The following RORA variants were observed in gnomAD, a reference collection of about 807,000 sequenced individuals.
RORA encodes the protein RAR related orphan receptor A.
Under a neutral mutation model 69.5 loss-of-function variants are expected in RORA, and 7 were observed. That is an observed-to-expected ratio of 0.10 (90% CI 0.06 to 0.19). RORA has a LOEUF of 0.19. Among genes scored for constraint, RORA ranks in the 10% least tolerant of loss-of-function variants. The pLI is 1.00. For synonymous variants in RORA, 261 were observed against 240.8 expected, an observed-to-expected ratio of 1.08 and a Z score of -0.78; for missense variants, 457 against 663.0, an observed-to-expected ratio of 0.69 and a Z score of 3.41.
chr15:61,069,207 A>C (rs959631664), intron 1 of RORA, among the ~76,000 whole-genome samples: 25 of 152,384 alleles, frequency 1.6e-4, no homozygotes, highest in African/African-American at 5.5e-4. Flanking sequence ...CTAAGCACTT[A>C]TGTAAAAAAT....
intron 1 of RORA, among the ~76,000 whole-genome samples, chr15:61,046,842 C>G (rs571998605): frequency 2.0e-5 from 3 of 152,102 alleles, no homozygotes; most frequent in Non-Finnish European, 2.9e-5. Flanking sequence ...CTTTTGACTT[C>G]GAGGCTGCTC....
chr15:60,770,676 T>C (rs1188264121), intron 1 of RORA, among the ~76,000 whole-genome samples: 1 of 152,156 alleles, frequency 6.6e-6, no homozygotes, highest in African/African-American at 2.4e-5. Context: ...CAGTGGCTAC[T>C]CACAGGCCCA....
intron 2 of RORA, among the ~76,000 whole-genome samples, chr15:60,662,171 G>A (rs1238276631): frequency 6.6e-6 from 1 of 152,110 alleles, no homozygotes; most frequent in Non-Finnish European, 1.5e-5. Flanking sequence ...ACAACAGTTG[G>A]GGGATGGTAT....
chr15:60,530,822 T>C (rs891667270), intron 3 of RORA: 4 of 152,230 alleles, frequency 2.6e-5, no homozygotes, highest in African/African-American at 9.6e-5. Flanking sequence ...TCAGGCCTGG[T>C]TGTAGCAATC....
At position 60,496,098 on chromosome 15, in the gene RORA, C is replaced by G. The variant is rs567296791; in HGVS notation, c.*1357G>C. The G allele has an allele frequency of 1.7e-3, 259 of 152,238 alleles. 1 individual carries two copies. The highest frequency in any genetic ancestry group is 6.0e-3 in the African/African-American group (248 of 41,532). 9.4% of individuals were successfully genotyped at this position (152,238 alleles called of 1,614,324 possible). A position where few individuals can be genotyped will look rare whatever the true frequency, so the allele number is the denominator to read the frequency against. ...TTGTATGCTTCCCTCACCCTCCTAT[C>G]CATCGTTTTTCAAATATGGAGAGCA... On this transcript the variant is annotated 3_prime_UTR_variant, in exon 11 of 11. Transcript: ENST00000335670. The surrounding 1 kb of genome is among the most constrained non-coding windows in gnomAD (Gnocchi z 4.5).
intron 1 of RORA, among the ~76,000 whole-genome samples, chr15:60,859,785 C>T (rs1289987843): frequency 1.3e-5 from 2 of 151,106 alleles, no homozygotes; most frequent in Non-Finnish European, 2.9e-5. Context: ...GTGGGGAATA[C>T]TTAATCAATA....
chr15:60,815,513 A>C (rs966405278), intron 1 of RORA, among the ~76,000 whole-genome samples: 11 of 152,176 alleles, frequency 7.2e-5, no homozygotes, highest in Non-Finnish European at 4.4e-5. Flanking sequence ...TTGTTTTCAC[A>C]GCCGAGGACT....
At chr15:60,580,237 T>C (rs750129059) in intron 2 of RORA, among the ~76,000 whole-genome samples, 6 of 152,176 alleles carry the variant, frequency 3.9e-5, no homozygotes, top group Non-Finnish European at 7.3e-5. Context: ...GATCTGGTGA[T>C]TAATTAAGAG....
intron 1 of RORA, among the ~76,000 whole-genome samples, chr15:61,145,563 A>C (rs1550223): frequency 0.69 from 104,678 of 152,104 alleles, 37,008 homozygotes; most frequent in Non-Finnish European, 0.77. Flanking sequence ...ATAAAGAAGA[A>C]AAGACTGAGA....
At chr15:60,794,733 C>T (rs1346881695) in intron 1 of RORA, among the ~76,000 whole-genome samples, 1 of 152,182 alleles carries the variant, frequency 6.6e-6, no homozygotes, top group Non-Finnish European at 1.5e-5. Flanking sequence ...AACAGTACTT[C>T]TATTCTGATA....
intron 1 of RORA, among the ~76,000 whole-genome samples, chr15:61,109,535 T>C (rs1350617789): frequency 1.3e-5 from 2 of 152,172 alleles, no homozygotes; most frequent in Non-Finnish European, 2.9e-5. Context: ...TTGTTTTCAA[T>C]TAAATAAACA....
intron 1 of RORA, among the ~76,000 whole-genome samples, chr15:61,196,881 A>C (rs2079850381): frequency 6.6e-6 from 1 of 152,176 alleles, no homozygotes; most frequent in Admixed American, 6.5e-5. Context: ...CCGTGTTTGG[A>C]TTAGCATGAT....
At chr15:61,022,709 TAAGTAA>T (rs1454206747) in intron 1 of RORA, among the ~76,000 whole-genome samples, 1 of 152,188 alleles carries the variant, frequency 6.6e-6, no homozygotes, top group Admixed American at 6.5e-5. Flanking sequence ...TGTACAGATT[TAAGTAA>T]AATGGTTAAC....
chr15:60,786,118 T>C (rs538270009), intron 1 of RORA, among the ~76,000 whole-genome samples: 1 of 152,364 alleles, frequency 6.6e-6, no homozygotes, highest in Non-Finnish European at 1.5e-5. Flanking sequence ...CTCTGGGGGC[T>C]TCATCAGCTG....
intron 2 of RORA, among the ~76,000 whole-genome samples, chr15:60,551,463 A>G (rs1268412972): frequency 6.6e-6 from 1 of 152,174 alleles, no homozygotes; most frequent in Admixed American, 6.6e-5. Context: ...ATAGTTTGGG[A>G]GTACAAAGAG....
intron 1 of RORA, among the ~76,000 whole-genome samples, chr15:61,208,865 A>G (rs977542558): frequency 6.6e-6 from 1 of 152,182 alleles, no homozygotes; most frequent in Admixed American, 6.5e-5. Flanking sequence ...AGATAATAAA[A>G]TATCCTCACA....
chr15:60,739,299 G>T (rs1346595395), intron 1 of RORA, among the ~76,000 whole-genome samples: 1 of 152,136 alleles, frequency 6.6e-6, no homozygotes, highest in Non-Finnish European at 1.5e-5. Context: ...GGGGCTGGGC[G>T]CAGTGGCTCA....
intron 1 of RORA, among the ~76,000 whole-genome samples, chr15:61,172,086 A>G (rs530811331): frequency 6.6e-6 from 1 of 152,316 alleles, no homozygotes; most frequent in South Asian, 2.1e-4. Flanking sequence ...TATGAGAACA[A>G]TATATATTGT....
At chr15:61,033,889 G>A (rs1054244384) in intron 1 of RORA, among the ~76,000 whole-genome samples, 1 of 100,540 alleles carries the variant, frequency 9.9e-6, no homozygotes, top group African/African-American at 3.6e-5. Context: ...GCAACATAGT[G>A]AGACCATGTC....
Sources: gnomAD v4.1 joint callset for allele counts (sites outside exome capture counted in the v4.1 genomes callset) on GRCh38, gnomAD v4.1.1 for gene constraint, Gnocchi (gnomAD v3.1) non-coding constraint, MANE v1.5 for transcripts, NCBI Gene and HGNC (gene_info 2026-07-23, HGNC 2026-07-21) for gene names.